Variants in RABGAP1L observed in about 807,000 individuals in gnomAD.
RABGAP1L encodes rab GTPase-activating protein 1-like.
A neutral mutation model predicts 137.7 loss-of-function variants in RABGAP1L; 63 were observed. The ratio of observed to expected loss-of-function variants is 0.46; its 90% CI spans 0.37 to 0.56. RABGAP1L has a LOEUF of 0.56. Ranked by LOEUF, RABGAP1L falls within the 20% of genes least tolerant of loss-of-function variation. RABGAP1L has a pLI of 0.00. For missense variants in RABGAP1L, 1,095 were observed against 1,244.0 expected (o/e 0.88, Z 1.80); for synonymous variants, 431 against 433.7 (o/e 0.99, Z 0.08).
chr1:174,431,633 A>C (rs1175067760), intron 13 of RABGAP1L, among the ~76,000 whole-genome samples: 5 of 152,180 alleles, frequency 3.3e-5, no homozygotes, highest in Non-Finnish European at 4.4e-5. Flanking sequence ...GCAAATTAGA[A>C]CAGGAAGGAG....
intron 18 of RABGAP1L, among the ~76,000 whole-genome samples, chr1:174,794,472 G>T (rs777623709): frequency 1.3e-5 from 2 of 152,160 alleles, no homozygotes; most frequent in African/African-American, 4.8e-5. Context: ...TCTACGAGAG[G>T]TTCCTTTATA....
chr1:174,258,209 T>A (rs1673281382), intron 7 of RABGAP1L, among the ~76,000 whole-genome samples: 1 of 152,230 alleles, frequency 6.6e-6, no homozygotes, highest in African/African-American at 2.4e-5. Flanking sequence ...GTATTTAATA[T>A]GTTTAAATCA....
At chr1:174,254,692 AT>A (rs1407335944) in intron 7 of RABGAP1L, among the ~76,000 whole-genome samples, 1 of 152,138 alleles carries the variant, frequency 6.6e-6, no homozygotes, top group African/African-American at 2.4e-5. Context: ...GCTGCATAGT[AT>A]TCCGTGGTGT....
At chr1:174,599,584 T>G (rs772983716) in intron 13 of RABGAP1L, among the ~76,000 whole-genome samples, 1 of 152,218 alleles carries the variant, frequency 6.6e-6, no homozygotes, top group Non-Finnish European at 1.5e-5. Context: ...TTCTTCTGCA[T>G]ATTTGAAGTA....
intron 1 of RABGAP1L, chr1:174,159,942 G>C (rs373524088): frequency 6.6e-6 from 1 of 152,254 alleles, no homozygotes; most frequent in South Asian, 2.1e-4. Context: ...TGGCTTTGGC[G>C]GCCGCCTCCT....
chr1:174,189,974 C>T (rs980788641), intron 1 of RABGAP1L, among the ~76,000 whole-genome samples: 2 of 152,074 alleles, frequency 1.3e-5, no homozygotes, highest in African/African-American at 2.4e-5. Context: ...CCTGTTCTGC[C>T]GTTCTGCTCA....
chr1:174,355,128 A>T (rs944835064), intron 11 of RABGAP1L, among the ~76,000 whole-genome samples: 2 of 152,172 alleles, frequency 1.3e-5, no homozygotes, highest in Non-Finnish European at 2.9e-5. Context: ...TACCCAGAGG[A>T]TTATAAATCA....
chr1:174,182,539 A>G lies in RABGAP1L; in HGVS notation c.-34+22882A>G, dbSNP rs542948268. ...GAGGGCCAGCTGTAGGTTTTAGTCA[A>G]AAGATGAAGTGAAAAGGCAAGACCC... On this transcript the variant is annotated intron_variant, in intron 1 of 25. Transcript: ENST00000681986. 2.6e-5 allele frequency among the ~76,000 whole-genome samples: 4 copies of G among 152,282 alleles called. No individual in the cohort carries two copies. In the South Asian group the frequency reaches 8.3e-4, roughly 32 times the overall value.
chr1:174,671,574 T>C (rs189178472), intron 14 of RABGAP1L, among the ~76,000 whole-genome samples: 1 of 152,362 alleles, frequency 6.6e-6, no homozygotes, highest in East Asian at 1.9e-4. Flanking sequence ...ACTTTGACTT[T>C]TATCATTTCT....
At chr1:174,621,488 A>G (rs996066228) in intron 13 of RABGAP1L, among the ~76,000 whole-genome samples, 23 of 152,358 alleles carry the variant, frequency 1.5e-4, no homozygotes, top group African/African-American at 5.5e-4. Context: ...ACAGCATGGT[A>G]CTGGTAGCAA....
chr1:174,683,648 C>T (rs1678251103), intron 15 of RABGAP1L, 52 bp downstream of exon 15: 1 of 1,367,690 alleles, frequency 7.3e-7, no homozygotes, highest in South Asian at 1.2e-5. Context: ...GTTTATTTTA[C>T]TTTCTACTGG....
At position 174,247,679 on chromosome 1, in the gene RABGAP1L, G is replaced by T. The variant is rs533191021; in HGVS notation, c.718-2796G>T. On this transcript the variant is annotated intron_variant, in intron 5 of 25. Transcript: ENST00000681986. ...CGTGTGGAGAGCATCATGGTGCCCTGCATTTGCATATGAAAAGCTAGGGTG... is the reference window on the plus strand; with the variant it reads ...CGTGTGGAGAGCATCATGGTGCCCTTCATTTGCATATGAAAAGCTAGGGTG... 2.6e-5 allele frequency among the ~76,000 whole-genome samples: 4 copies of T among 152,296 alleles called. 1 individual carries two copies. The South Asian group carries it at 8.3e-4, about 32-fold the overall frequency.
chr1:174,977,176 T>G (rs1031520278), intron 22 of RABGAP1L, among the ~76,000 whole-genome samples: 1 of 152,188 alleles, frequency 6.6e-6, no homozygotes, highest in Non-Finnish European at 1.5e-5. Flanking sequence ...TGTGGAGGAA[T>G]GTGTCATTTA....
At chr1:174,952,339 CAAAAAAAAA>C (rs59406597) in intron 19 of RABGAP1L, among the ~76,000 whole-genome samples, 3 of 31,724 alleles carry the variant, frequency 9.5e-5, no homozygotes, top group African/African-American at 4.6e-4. Flanking sequence ...CTGGCTCTAC[CAAAAAAAAA>C]AAAAAAAAAA....
chr1:174,856,397 TAA>T (rs150232187), intron 19 of RABGAP1L, among the ~76,000 whole-genome samples: 8,313 of 115,124 alleles, frequency 0.072, 768 homozygotes, highest in African/African-American at 0.21. Flanking sequence ...TCCCTCTCAA[TAA>T]AAAAAAAAAA....
chr1:174,621,178 A>G (rs1428950881), intron 13 of RABGAP1L, among the ~76,000 whole-genome samples: 1 of 152,192 alleles, frequency 6.6e-6, no homozygotes, highest in Non-Finnish European at 1.5e-5. Context: ...GGAGAACTAC[A>G]AACCACTGCT....
chr1:174,976,195 A>C lies in RABGAP1L; in HGVS notation c.2649+13A>C. On this transcript the variant is annotated intron_variant, in intron 22 of 25. Transcript: ENST00000681986. ...AGAGACTGCCCAGGTAAAAGGAATA[A>C]TATGTAGGCTTTTCTTTACAAAGGT... is the stretch of plus-strand genomic sequence containing the variant. 6.6e-7 allele frequency: 1 copy of C among 1,523,522 alleles called. No individual in the cohort carries two copies. Among genetic ancestry groups the C allele is most frequent in the Non-Finnish European group, 8.9e-7 (1 of 1,122,362 alleles). 94.4% of individuals were successfully genotyped at this position (1,523,522 alleles called of 1,614,324 possible).
chr1:174,784,089 G>C (rs917488744), intron 18 of RABGAP1L, among the ~76,000 whole-genome samples: 1 of 131,648 alleles, frequency 7.6e-6, no homozygotes, highest in Non-Finnish European at 1.5e-5. Context: ...GTGCGATCTC[G>C]GCTCGCTACA....
chr1:174,410,576 C>T (rs1428264962), intron 13 of RABGAP1L, among the ~76,000 whole-genome samples: 3 of 151,834 alleles, frequency 2.0e-5, no homozygotes, highest in South Asian at 2.1e-4. Flanking sequence ...TTTATTTCTG[C>T]GTTCTTTATT....
Sources: gnomAD v4.1 joint callset for allele counts (sites outside exome capture counted in the v4.1 genomes callset) on GRCh38, gnomAD v4.1.1 for gene constraint, MANE v1.5 for transcripts, NCBI Gene and HGNC (gene_info 2026-07-23, HGNC 2026-07-21) for gene names.